Variants in POLH observed in about 807,000 individuals in gnomAD.
The protein encoded by POLH is DNA polymerase eta.
POLH carries 53 observed loss-of-function variants against 73.6 expected under a neutral mutation model. The ratio of observed to expected loss-of-function variants is 0.72; its 90% CI spans 0.58 to 0.91. The LOEUF (loss-of-function observed/expected upper bound fraction) is 0.91, where lower values mean the gene tolerates loss of function less well. Among genes scored for constraint, POLH ranks in the 40% least tolerant of loss-of-function variants. The pLI is 0.00. For synonymous variants in POLH, 292 were observed against 308.5 expected, an observed-to-expected ratio of 0.95 and a Z score of 0.56; for missense variants, 768 against 865.4, an observed-to-expected ratio of 0.89 and a Z score of 1.41.
chr6:43,592,898 A>G (rs752905222), intron 4 of POLH, among the ~76,000 whole-genome samples: 2 of 152,172 alleles, frequency 1.3e-5, no homozygotes, highest in African/African-American at 2.4e-5. Context: ...ATTTTAAAAC[A>G]CAGAGACATG....
chr6:43,598,136 T>C (rs1766300027), intron 5 of POLH, among the ~76,000 whole-genome samples: 1 of 149,582 alleles, frequency 6.7e-6, no homozygotes, highest in Non-Finnish European at 1.5e-5. Context: ...GTCCAGGAGG[T>C]TGAAGCTGCC....
intron 1 of POLH, among the ~76,000 whole-genome samples, chr6:43,579,692 A>C (rs1763790696): frequency 6.6e-6 from 1 of 152,202 alleles, no homozygotes; most frequent in Admixed American, 6.5e-5. Context: ...TGTGATTGGC[A>C]TCAGAAGTAG....
intron 4 of POLH, among the ~76,000 whole-genome samples, chr6:43,592,759 A>G (rs1241774378): frequency 6.6e-6 from 1 of 152,202 alleles, no homozygotes; most frequent in African/African-American, 2.4e-5. Context: ...TTTAAGTAGT[A>G]AGATTTACTT....
intron 10 of POLH, among the ~76,000 whole-genome samples, chr6:43,612,539 G>T (rs111728383): frequency 4.0e-5 from 6 of 151,860 alleles, no homozygotes; most frequent in African/African-American, 1.5e-4. Context: ...TAGAGACAGG[G>T]TTTCTCCATG....
chr6:43,580,670 A>AC lies in POLH; in HGVS notation c.-4-1639dup, dbSNP rs1238778780. Among the ~76,000 whole-genome samples the AC allele has an allele frequency of 7.1e-3, 773 of 109,076 alleles. 14 individuals carry two copies. Among genetic ancestry groups the AC allele is most frequent in the African/African-American group, 0.031 (694 of 22,404 alleles). 71.6% of individuals were successfully genotyped at this position (109,076 alleles called of 152,430 possible). ...GGCGGCTGGCCGGGCAGGGGGGCTGACCCCCCCACCTCCCTCCCGGACTGG... is the reference window on the plus strand; with the variant it reads ...GGCGGCTGGCCGGGCAGGGGGGCTGACCCCCCCCACCTCCCTCCCGGACTGG... On this transcript the variant is annotated intron_variant, in intron 1 of 10. Coordinates refer to ENST00000372236, the MANE Select transcript of POLH (RefSeq NM_006502.3).
At chr6:43,611,256 C>A (rs1173347639) in intron 10 of POLH, among the ~76,000 whole-genome samples, 1 of 152,196 alleles carries the variant, frequency 6.6e-6, no homozygotes, top group African/African-American at 2.4e-5. Context: ...AGGGAAATGA[C>A]CAGTTGCACT....
chr6:43,595,696 T>C (rs1224944150), intron 4 of POLH, among the ~76,000 whole-genome samples: 2 of 152,004 alleles, frequency 1.3e-5, no homozygotes, highest in Non-Finnish European at 2.9e-5. Flanking sequence ...GGCAGGAGAA[T>C]GGCGTGGACC....
rs1459618214 is a variant in POLH, at chr6:43,617,553, G to A, written c.*2996G>A. Among the ~76,000 whole-genome samples the A allele has an allele frequency of 6.6e-6, 1 of 152,022 alleles. No homozygotes were observed. The highest frequency in any genetic ancestry group is 1.5e-5 in the Non-Finnish European group (1 of 67,998). On this transcript the variant is annotated 3_prime_UTR_variant, in exon 11 of 11. Coordinates refer to ENST00000372236, the MANE Select transcript of POLH (RefSeq NM_006502.3). Reference sequence around the variant, plus strand: ...GAGGCAGGAGAATCACTTGAATCTGGGAGGCAGAGGTTGTAGTGAGCTGAG... The same window carrying A: ...GAGGCAGGAGAATCACTTGAATCTGAGAGGCAGAGGTTGTAGTGAGCTGAG...
At chr6:43,606,057 A>G (rs1393603042) in intron 9 of POLH, among the ~76,000 whole-genome samples, 1 of 152,008 alleles carries the variant, frequency 6.6e-6, no homozygotes, top group Non-Finnish European at 1.5e-5. Flanking sequence ...TTTATTGTGT[A>G]TATTTGATGT....
At chr6:43,590,620 A>C (rs1765354861) in intron 4 of POLH, among the ~76,000 whole-genome samples, 1 of 151,618 alleles carries the variant, frequency 6.6e-6, no homozygotes, top group Non-Finnish European at 1.5e-5. Context: ...AGAGCAAATA[A>C]TTCTGCATGT....
intron 3 of POLH, among the ~76,000 whole-genome samples, chr6:43,583,619 T>C (rs1201814122): frequency 6.6e-6 from 1 of 152,182 alleles, no homozygotes; most frequent in Non-Finnish European, 1.5e-5. Flanking sequence ...CACCTTGGAA[T>C]GGGGGATATG....
intron 4 of POLH, 21 bp downstream of exon 4, chr6:43,587,510 T>G: frequency 6.6e-7 from 1 of 1,524,332 alleles, no homozygotes; most frequent in Non-Finnish European, 9.1e-7. Context: ...AGCATCATAC[T>G]GCTTCTGCTT....
intron 4 of POLH, among the ~76,000 whole-genome samples, chr6:43,591,959 T>A (rs1273802690): frequency 1.3e-5 from 2 of 152,190 alleles, no homozygotes; most frequent in Non-Finnish European, 2.9e-5. Context: ...GATGGACGTG[T>A]TCCTCTTTCT....
chr6:43,614,580 AG>A lies in POLH; in HGVS notation c.*25del. 6.3e-7 allele frequency: 1 copy of A among 1,590,122 alleles called. No homozygotes were observed. The highest frequency in any genetic ancestry group is 8.6e-7 in the Non-Finnish European group (1 of 1,161,066). ...TAGTGCTGCCCTCAGGCTTGCCTGT[AG>A]GATTTAATATTTTTTATCTTTACAG... On this transcript the variant is annotated 3_prime_UTR_variant, in exon 11 of 11. Transcript: ENST00000372236.
intron 1 of POLH, among the ~76,000 whole-genome samples, chr6:43,581,669 G>GGCGGTCGGGCGGCGGCGGCT (rs1554138342): frequency 6.2e-5 from 7 of 112,892 alleles, no homozygotes; most frequent in African/African-American, 3.9e-4. Context: ...CCATCCTCCC[G>GGCGGTCGGGCGGCGGCGGCT]GCGGTCGGGC....
intron 3 of POLH, 111 bp from the exon 4 acceptor site, chr6:43,587,161 T>G: frequency 1.2e-6 from 1 of 847,224 alleles, no homozygotes; most frequent in Non-Finnish European, 2.1e-6. Context: ...TTAAGCCACA[T>G]GTCTCTTGAT....
chr6:43,578,684 A>T (rs1020211932), intron 1 of POLH, among the ~76,000 whole-genome samples: 4 of 152,362 alleles, frequency 2.6e-5, no homozygotes, highest in African/African-American at 7.2e-5. Flanking sequence ...AACTGGGAGT[A>T]GGAGAACTCT....
chr6:43,603,986 CAG>C lies in POLH; in HGVS notation c.862_863del (p.His289PhefsTer17). 6.2e-7 allele frequency: 1 copy of C among 1,613,486 alleles called. No individual in the cohort carries two copies. The highest frequency in any genetic ancestry group is 8.5e-7 in the Non-Finnish European group (1 of 1,179,444). ...ELTQFTESQLQSHFGEKNGSW... is the reference protein window; with the variant it reads ...ELTQFTESQLXSHFGEKNGSW... ...GACCCAGTTCACTGAATCCCAGCTCCAGAGTCATTTTGGGGAGAAGAATGGGT... is the reference window on the plus strand; with the variant it reads ...GACCCAGTTCACTGAATCCCAGCTCCAGTCATTTTGGGGAGAAGAATGGGT... On this transcript the variant is annotated frameshift_variant, in exon 7 of 11. Coordinates refer to ENST00000372236, the MANE Select transcript of POLH (RefSeq NM_006502.3). LOFTEE classifies it high-confidence loss of function.
chr6:43,581,046 C>T (rs1373362432), intron 1 of POLH, among the ~76,000 whole-genome samples: 698 of 109,624 alleles, frequency 6.4e-3, no homozygotes, highest in African/African-American at 0.01. Flanking sequence ...AGACGCTCCT[C>T]ACTTCCCAGA....
Sources: gnomAD v4.1 joint callset for allele counts (sites outside exome capture counted in the v4.1 genomes callset) on GRCh38, gnomAD v4.1.1 for gene constraint, MANE v1.5 for transcripts, NCBI Gene and HGNC (gene_info 2026-07-23, HGNC 2026-07-21) for gene names.